SLFN12L: variants seen among roughly 807,000 people sequenced by gnomAD.
The protein encoded by SLFN12L is schlafen family member 12-like.
A neutral mutation model predicts 34.8 loss-of-function variants in SLFN12L; 34 were observed. That is an observed-to-expected ratio of 0.98 (90% confidence interval 0.74 to 1.30). SLFN12L has a LOEUF of 1.30. SLFN12L is among the 50% of genes most tolerant of loss of function. The pLI is 0.00. For synonymous variants in SLFN12L, 259 were observed against 247.5 expected (o/e 1.05, Z -0.44); for missense variants, 703 against 696.2 (o/e 1.01, Z -0.11).
chr17:35,517,566 A>G (rs1915870831), intron 2 of SLFN12L, among the ~76,000 whole-genome samples: 1 of 152,202 alleles, frequency 6.6e-6, no homozygotes, highest in African/African-American at 2.4e-5. Context: ...TTCATATGGA[A>G]CCAAAAAAGA....
chr17:35,498,706 T>C, intron 2 of SLFN12L: 3 of 1,556,772 alleles, frequency 1.9e-6, no homozygotes, highest in Non-Finnish European at 2.6e-6. Flanking sequence ...AACAATTACG[T>C]GGTCCATCTC....
rs1260338104 is a variant in SLFN12L at position 35,464,331 on chromosome 17, T to A, written c.*10592A>T. On this transcript the variant is annotated 3_prime_UTR_variant, in exon 5 of 5. Coordinates refer to ENST00000628453, the MANE Select transcript of SLFN12L (RefSeq NM_001363830.2). ...GGCTCATTACACAGGTAAACATGTG[T>A]CATGGGGTTTTGTTATACATATTAT... The A allele has an allele frequency of 6.6e-6, 1 of 152,222 alleles. No individual in the cohort carries two copies. The highest frequency in any genetic ancestry group is 1.5e-5 in the Non-Finnish European group (1 of 68,042). The allele number at this position is 152,222 out of a possible 1,614,324, so 9.4% of individuals were successfully genotyped here.
chr17:35,510,364 G>A (rs555805911), intron 2 of SLFN12L: 3 of 152,308 alleles, frequency 2.0e-5, no homozygotes, highest in African/African-American at 4.8e-5. Flanking sequence ...AATGTCTATC[G>A]AGATGAATGA....
intron 1 of SLFN12L, among the ~76,000 whole-genome samples, chr17:35,535,870 G>A (rs936007156): frequency 1.3e-5 from 2 of 152,084 alleles, no homozygotes; most frequent in African/African-American, 4.8e-5. Context: ...TGGCCAGGCT[G>A]GTCTTGAACT....
At chr17:35,529,451 T>C (rs894213631) in intron 1 of SLFN12L, among the ~76,000 whole-genome samples, 11 of 152,184 alleles carry the variant, frequency 7.2e-5, no homozygotes, top group Non-Finnish European at 1.3e-4. Flanking sequence ...AACCCAAATG[T>C]CCATCAATGA....
chr17:35,490,678 T>C, intron 2 of SLFN12L: 2 of 1,102,408 alleles, frequency 1.8e-6, no homozygotes, highest in Non-Finnish European at 1.4e-6. Context: ...CCTCAAACTA[T>C]TAACCGAGGA....
chr17:35,520,128 C>T (rs1250774124), intron 2 of SLFN12L, among the ~76,000 whole-genome samples: 1 of 152,202 alleles, frequency 6.6e-6, no homozygotes, highest in Non-Finnish European at 1.5e-5. Context: ...TAGCCACAAG[C>T]TTTTTCTTTT....
intron 2 of SLFN12L, among the ~76,000 whole-genome samples, chr17:35,513,387 A>T (rs181828982): frequency 9.8e-5 from 15 of 152,378 alleles, no homozygotes; most frequent in Middle Eastern, 3.4e-3. Flanking sequence ...AACAAGGTTA[A>T]TGACACTTAA....
intron 2 of SLFN12L, among the ~76,000 whole-genome samples, chr17:35,497,277 G>A (rs769984996): frequency 1.3e-5 from 2 of 152,158 alleles, no homozygotes; most frequent in Non-Finnish European, 1.5e-5. Context: ...TATAATCCCA[G>A]CTACTGGGGA....
intron 1 of SLFN12L, among the ~76,000 whole-genome samples, chr17:35,533,750 T>C (rs370021159): frequency 2.0e-5 from 3 of 152,262 alleles, no homozygotes; most frequent in Non-Finnish European, 4.4e-5. Context: ...CATTGTCTGG[T>C]AAGCCACTTT....
intron 2 of SLFN12L, among the ~76,000 whole-genome samples, chr17:35,511,626 C>T (rs1284835354): frequency 1.3e-5 from 2 of 151,622 alleles, no homozygotes; most frequent in Admixed American, 6.6e-5. Flanking sequence ...CCCTATAGTC[C>T]TAGCTACTCA....
rs1913811183 is a variant in SLFN12L at position 35,471,668 on chromosome 17, T to A, written c.*3255A>T. Among the ~76,000 whole-genome samples, 2 of 22,152 alleles carry A rather than the reference T, an allele frequency of 9.0e-5. No homozygotes were observed. Among genetic ancestry groups the A allele is most frequent in the South Asian group, 2.4e-3 (1 of 414 alleles). The allele number at this position is 22,152 out of a possible 152,430, so 14.5% of individuals were successfully genotyped here. On this transcript the variant is annotated 3_prime_UTR_variant, in exon 5 of 5. Transcript: ENST00000628453. Reference sequence around the variant, plus strand: ...TAATAATCTTTCTTTTAATAAAAGATTATTTAAAAGTTTTAAATATTCTTT... The same window carrying A: ...TAATAATCTTTCTTTTAATAAAAGAATATTTAAAAGTTTTAAATATTCTTT...
At chr17:35,480,280 A>T in intron 2 of SLFN12L, 85 bp from the exon 3 acceptor site, 1 of 1,087,930 alleles carries the variant, frequency 9.2e-7, no homozygotes, top group Non-Finnish European at 1.3e-6. Context: ...AAAATCCTTT[A>T]CTGTATATTT....
rs1030930811 is a variant in SLFN12L at position 35,471,111 on chromosome 17, G to A, written c.*3812C>T. Among the ~76,000 whole-genome samples, 7 of 149,662 alleles carry A rather than the reference G, an allele frequency of 4.7e-5. No individual in the cohort carries two copies. The East Asian group carries it at 7.9e-4, about 17-fold the overall frequency. The stretch of plus-strand genomic sequence containing the variant: ...TGCCTTTGCTATTGTAAATAGTGGG[G>A]CAATAAACATATGTGTGCATGTGTC... On this transcript the variant is annotated 3_prime_UTR_variant, in exon 5 of 5. Coordinates refer to ENST00000628453, the MANE Select transcript of SLFN12L (RefSeq NM_001363830.2).
chr17:35,529,028 G>T (rs1231681070), intron 1 of SLFN12L, among the ~76,000 whole-genome samples: 1 of 152,152 alleles, frequency 6.6e-6, no homozygotes, highest in Non-Finnish European at 1.5e-5. Flanking sequence ...CAAAAAGTGG[G>T]CAAAGGATAT....
In SLFN12L at chr17:35,466,203, G is replaced by A. The variant is rs1222694421; in HGVS notation, c.*8720C>T. Among the ~76,000 whole-genome samples, 1 of 152,008 alleles carries A rather than the reference G, an allele frequency of 6.6e-6. No individual in the cohort carries two copies. The highest frequency in any genetic ancestry group is 1.5e-5 in the Non-Finnish European group (1 of 68,014). On this transcript the variant is annotated 3_prime_UTR_variant, in exon 5 of 5. Coordinates refer to ENST00000628453, the MANE Select transcript of SLFN12L (RefSeq NM_001363830.2). ...TTTTACATTAGCGTTCATTCTTCTTGTACATTTTATGGGTTCAGACAAATG... is the reference window on the plus strand; with the variant it reads ...TTTTACATTAGCGTTCATTCTTCTTATACATTTTATGGGTTCAGACAAATG...
chr17:35,474,893 T>G lies in SLFN12L; in HGVS notation c.*30A>C. 1 of 1,510,890 alleles carries G rather than the reference T, an allele frequency of 6.6e-7. No individual in the cohort carries two copies. The allele number at this position is 1,510,890 out of a possible 1,614,324, so 93.6% of individuals were successfully genotyped here. A position where few individuals can be genotyped will look rare whatever the true frequency, so the allele number is the denominator to read the frequency against. On this transcript the variant is annotated 3_prime_UTR_variant, in exon 5 of 5. Coordinates refer to ENST00000628453, the MANE Select transcript of SLFN12L (RefSeq NM_001363830.2). ...TTGCAGTGAGTCGAGATCGTGTCAC[T>G]ACACTCCAGTCTGGGTGACAGAGTG...
chr17:35,508,244 A>G (rs35417192), intron 2 of SLFN12L, among the ~76,000 whole-genome samples: 7,320 of 152,246 alleles, frequency 0.048, 262 homozygotes, highest in South Asian at 0.12. Flanking sequence ...AGGGACAGGA[A>G]TTGCTCACTC....
intron 2 of SLFN12L, among the ~76,000 whole-genome samples, chr17:35,501,030 T>G (rs534243758): frequency 2.9e-4 from 44 of 152,320 alleles, no homozygotes; most frequent in Non-Finnish European, 5.3e-4. Context: ...CTTCTACAAC[T>G]CAGTGTCTGA....
Sources: allele counts gnomAD v4.1 joint callset (sites outside exome capture counted in the v4.1 genomes callset), GRCh38; gene constraint gnomAD v4.1.1; transcripts MANE v1.5; gene names NCBI Gene and HGNC (gene_info 2026-07-23, HGNC 2026-07-21).